Variants in C1QTNF7 observed in about 807,000 individuals in gnomAD.
C1QTNF7 encodes the protein complement C1q tumor necrosis factor-related protein 7.
C1QTNF7 carries 15 observed loss-of-function variants against 19.6 expected under a neutral mutation model. The observed-to-expected ratio is 0.76, with a 90% CI of 0.51 to 1.18. The LOEUF (loss-of-function observed/expected upper bound fraction) is 1.18, where lower values mean the gene tolerates loss of function less well. C1QTNF7 is among the 50% of genes most tolerant of loss of function. C1QTNF7 has a pLI of 0.00. For missense variants in C1QTNF7, 324 were observed against 359.7 expected (o/e 0.90, Z 0.80); for synonymous variants, 142 against 137.5 (o/e 1.03, Z -0.23).
At chr4:15,422,690 A>G (rs575804413) in intron 1 of C1QTNF7, among the ~76,000 whole-genome samples, 16 of 152,082 alleles carry the variant, frequency 1.1e-4, no homozygotes, top group Non-Finnish European at 2.4e-4. Flanking sequence ...CTGCAGCTTC[A>G]ACATCTCGGG....
chr4:15,391,823 G>A (rs1248244290), intron 1 of C1QTNF7, among the ~76,000 whole-genome samples: 1 of 152,148 alleles, frequency 6.6e-6, no homozygotes, highest in Non-Finnish European at 1.5e-5. Context: ...GGAAAAGGAG[G>A]AAAAGGGACA....
chr4:15,374,871 C>T (rs28580190), intron 1 of C1QTNF7: 150,375 of 438,756 alleles, frequency 0.34, 29,937 homozygotes, highest in African/African-American at 0.67. Flanking sequence ...CTCTCTCTCT[C>T]TTTTTTTTTA....
chr4:15,422,344 C>T (rs139809038), intron 1 of C1QTNF7, among the ~76,000 whole-genome samples: 114 of 152,072 alleles, frequency 7.5e-4, no homozygotes, highest in African/African-American at 2.7e-3. Flanking sequence ...TCATATTTGC[C>T]TATCTGATAA....
intron 1 of C1QTNF7, among the ~76,000 whole-genome samples, chr4:15,384,576 G>T (rs1218066598): frequency 6.6e-6 from 1 of 152,144 alleles, no homozygotes. Context: ...CAGCAAAGAG[G>T]TGTGTGCAGG....
upstream of C1QTNF7, among the ~76,000 whole-genome samples, chr4:15,424,003 T>G (rs1409302090): frequency 1.3e-5 from 2 of 152,246 alleles, no homozygotes; most frequent in African/African-American, 4.8e-5. Flanking sequence ...GTCCTTAATA[T>G]GAAATGAATA....
At chr4:15,353,168 G>A (rs1388104025) in intron 1 of C1QTNF7, among the ~76,000 whole-genome samples, 1 of 152,120 alleles carries the variant, frequency 6.6e-6, no homozygotes, top group East Asian at 1.9e-4. Context: ...CAATAAAAAG[G>A]TCTCAAATCT....
intron 1 of C1QTNF7, among the ~76,000 whole-genome samples, chr4:15,370,498 T>G (rs1263774853): frequency 6.6e-6 from 1 of 152,174 alleles, no homozygotes; most frequent in Non-Finnish European, 1.5e-5. Flanking sequence ...TTCTGGGAAA[T>G]GTAGTTCCAG....
chr4:15,389,425 T>C lies in C1QTNF7; in HGVS notation c.14-46311T>C, dbSNP rs1030931336. ...ATTGGAGGTAGGAAAATGAGGAGTC[T>C]TTTTATTTTTTTAGATGGAATTTTG... On this transcript the variant is annotated intron_variant, in intron 1 of 2. Transcript: ENST00000295297. 1.2e-4 allele frequency among the ~76,000 whole-genome samples: 18 copies of C among 152,086 alleles called. 1 individual carries two copies. Among genetic ancestry groups the C allele is most frequent in the African/African-American group, 4.1e-4 (17 of 41,388 alleles).
At chr4:15,406,113 G>A (rs965233469) in intron 1 of C1QTNF7, among the ~76,000 whole-genome samples, 3 of 152,144 alleles carry the variant, frequency 2.0e-5, no homozygotes, top group East Asian at 1.9e-4. Context: ...CAGCACTTAC[G>A]CTGTTGGAAT....
intron 1 of C1QTNF7, among the ~76,000 whole-genome samples, chr4:15,432,556 G>A (rs1003353282): frequency 3.9e-5 from 6 of 152,096 alleles, no homozygotes; most frequent in African/African-American, 1.4e-4. Flanking sequence ...CCACCATGCA[G>A]GGCTACTTTT....
chr4:15,343,941 C>A (rs543532105), intron 1 of C1QTNF7, among the ~76,000 whole-genome samples: 94 of 152,314 alleles, frequency 6.2e-4, no homozygotes, highest in African/African-American at 2.2e-3. Flanking sequence ...ACCTAAGTGG[C>A]AGAGTAAGGT....
intron 1 of C1QTNF7, among the ~76,000 whole-genome samples, chr4:15,382,735 T>C (rs1560349645): frequency 6.6e-6 from 1 of 152,220 alleles, no homozygotes; most frequent in Admixed American, 6.5e-5. Context: ...TCCTTATTTT[T>C]ACAGCCAGAC....
intron 1 of C1QTNF7, among the ~76,000 whole-genome samples, chr4:15,384,600 TC>T (rs1056592266): frequency 1.3e-5 from 2 of 152,132 alleles, no homozygotes; most frequent in African/African-American, 4.8e-5. Context: ...AAAACTGAAT[TC>T]CGGAGCTTTT....
At chr4:15,416,115 T>A (rs1009951763) in intron 1 of C1QTNF7, among the ~76,000 whole-genome samples, 1 of 152,244 alleles carries the variant, frequency 6.6e-6, no homozygotes, top group Admixed American at 6.5e-5. Context: ...ATTTGCCATA[T>A]AAATTTTGCA....
At chr4:15,439,255 C>A (rs1313475740) in intron 2 of C1QTNF7, among the ~76,000 whole-genome samples, 1 of 152,176 alleles carries the variant, frequency 6.6e-6, no homozygotes, top group African/African-American at 2.4e-5. Flanking sequence ...TTATCTATCA[C>A]CCAATTCAGC....
intron 1 of C1QTNF7, among the ~76,000 whole-genome samples, chr4:15,406,812 A>C (rs527823501): frequency 6.6e-6 from 1 of 152,308 alleles, no homozygotes; most frequent in African/African-American, 2.4e-5. Flanking sequence ...AATTTTATTA[A>C]ATCTTTAAAG....
At position 15,445,324 on chromosome 4, in the gene C1QTNF7, C is replaced by T. The variant is rs964194707; in HGVS notation, c.*2525C>T. 1 of 152,166 alleles carries T rather than the reference C, an allele frequency of 6.6e-6. No homozygotes were observed. Among genetic ancestry groups the T allele is most frequent in the African/African-American group, 2.4e-5 (1 of 41,436 alleles). The allele number at this position is 152,166 out of a possible 1,614,324, so 9.4% of individuals were successfully genotyped here. On this transcript the variant is annotated 3_prime_UTR_variant, in exon 3 of 3. Coordinates refer to ENST00000444304, the MANE Select transcript of C1QTNF7 (RefSeq NM_031911.5). ...GAACATATGGGCCCTTTAAAGACTA[C>T]AAGATTTGCTAGATAAACTGGAAAT...
At chr4:15,401,640 T>C (rs1270765264) in intron 1 of C1QTNF7, among the ~76,000 whole-genome samples, 1 of 152,152 alleles carries the variant, frequency 6.6e-6, no homozygotes, top group Non-Finnish European at 1.5e-5. Flanking sequence ...ATCAGTTCTC[T>C]TCAGTCTTAA....
intron 1 of C1QTNF7, among the ~76,000 whole-genome samples, chr4:15,341,411 A>G (rs953816265): frequency 6.6e-6 from 1 of 152,128 alleles, no homozygotes; most frequent in Non-Finnish European, 1.5e-5. Context: ...GTCAAATTCT[A>G]GTTACATAAA....
Sources: allele counts gnomAD v4.1 joint callset (sites outside exome capture counted in the v4.1 genomes callset), GRCh38; gene constraint gnomAD v4.1.1; transcripts MANE v1.5; gene names NCBI Gene and HGNC (gene_info 2026-07-23, HGNC 2026-07-21).